Variants in TSPOAP1 observed in about 807,000 individuals in gnomAD.
The protein encoded by TSPOAP1 is TSPO associated protein 1.
Under a neutral mutation model 197.0 loss-of-function variants are expected in TSPOAP1, and 87 were observed. The ratio of observed to expected loss-of-function variants is 0.44; its 90% CI spans 0.37 to 0.53. The LOEUF (loss-of-function observed/expected upper bound fraction) is 0.53, where lower values mean the gene tolerates loss of function less well. TSPOAP1 is among the 20% of genes least tolerant of loss of function. TSPOAP1 has a pLI of 0.00. For missense variants in TSPOAP1, 2,174 were observed against 2,411.3 expected (o/e 0.90, Z 2.06); for synonymous variants, 913 against 998.9 (o/e 0.91, Z 1.62).
At position 58,328,677 on chromosome 17, in the gene TSPOAP1, T is replaced by A. The variant is rs2143181800; in HGVS notation, c.-757A>T. 1 of 153,134 alleles carries A rather than the reference T, an allele frequency of 6.5e-6. No homozygotes were observed. Among genetic ancestry groups the A allele is most frequent in the Admixed American group, 6.5e-5 (1 of 15,318 alleles). 9.5% of individuals were successfully genotyped at this position (153,134 alleles called of 1,614,324 possible). A position where few individuals can be genotyped will look rare whatever the true frequency, so the allele number is the denominator to read the frequency against. The stretch of plus-strand genomic sequence containing the variant: ...CTGGTCCTAAGGAGGCCTGGGTCGA[T>A]GGGCTGCTTGCCTCATAGTCTCAGC... On this transcript the variant is annotated 5_prime_UTR_variant, in exon 1 of 32. Transcript: ENST00000343736. The surrounding 1 kb of genome is among the most constrained non-coding windows in gnomAD (Gnocchi z 4.3).
chr17:58,321,593 C>T (rs988555377), intron 10 of TSPOAP1, among the ~76,000 whole-genome samples: 5 of 152,156 alleles, frequency 3.3e-5, no homozygotes, highest in African/African-American at 4.8e-5. Flanking sequence ...CCACCATGCC[C>T]GGCCAGAACC....
At chr17:58,313,806 A>G (rs1971139510) in intron 16 of TSPOAP1, among the ~76,000 whole-genome samples, 1 of 152,192 alleles carries the variant, frequency 6.6e-6, no homozygotes, top group Admixed American at 6.5e-5. Context: ...TGTAAGTTCT[A>G]GAAGGATCAG....
At position 58,308,028 on chromosome 17, in the gene TSPOAP1, A is replaced by C; in HGVS notation, c.4732-87T>G. 3 of 1,278,870 alleles carry C rather than the reference A, an allele frequency of 2.3e-6. No homozygotes were observed. The South Asian group carries it at 4.2e-5, about 18-fold the overall frequency. The allele number at this position is 1,278,870 out of a possible 1,614,324, so 79.2% of individuals were successfully genotyped here. A position where few individuals can be genotyped will look rare whatever the true frequency, so the allele number is the denominator to read the frequency against. On this transcript the variant is annotated intron_variant, in intron 22 of 31. Coordinates refer to ENST00000343736, the MANE Select transcript of TSPOAP1 (RefSeq NM_004758.4). ...CCCCCAGCTCTGCCCCATCAGCGTA[A>C]GCAGCACAGCAGCGCAGGAGCACAG...
chr17:58,311,296 A>T (rs1971071339), intron 18 of TSPOAP1, 83 bp from the exon 19 acceptor site: 1 of 1,545,252 alleles, frequency 6.5e-7, no homozygotes, highest in South Asian at 1.2e-5. Context: ...GTGGCAGCTA[A>T]CTGACAGCAG....
Position 58,322,229 on chromosome 17 carries a change from C to T in TSPOAP1, c.1422+79G>A. 2 of 1,422,020 alleles carry T rather than the reference C, an allele frequency of 1.4e-6. No individual in the cohort carries two copies. The highest frequency in any genetic ancestry group is 1.9e-6 in the Non-Finnish European group (2 of 1,028,012). 88.1% of individuals were successfully genotyped at this position (1,422,020 alleles called of 1,614,324 possible). A position where few individuals can be genotyped will look rare whatever the true frequency, so the allele number is the denominator to read the frequency against. ...CCGACGCCTAGCACAGTGCCGGGCA[C>T]ACAGTAAATGCTTGTGGAATGAGTG... On this transcript the variant is annotated intron_variant, in intron 10 of 31. Transcript: ENST00000343736. This position sits in a 1 kb window ranked among gnomAD's most constrained non-coding sequence, Gnocchi z 5.0.
In TSPOAP1 at chr17:58,304,233, C is replaced by T. The variant is rs1970799749; in HGVS notation, c.*32+105G>A. 1.0e-6 allele frequency: 1 copy of T among 970,134 alleles called. No individual in the cohort carries two copies. The highest frequency in any genetic ancestry group is 1.6e-6 in the Non-Finnish European group (1 of 626,722). The allele number at this position is 970,134 out of a possible 1,614,324, so 60.1% of individuals were successfully genotyped here. ...CTCTCCTTCGCCATTCCCTGGACTA[C>T]AGTGGGAAAGCTGGGTCAGCTCCAG... On this transcript the variant is annotated intron_variant, in intron 31 of 31. Coordinates refer to ENST00000343736, the MANE Select transcript of TSPOAP1 (RefSeq NM_004758.4). This position sits in a 1 kb window ranked among gnomAD's most constrained non-coding sequence, Gnocchi z 4.2.
intron 1 of TSPOAP1, among the ~76,000 whole-genome samples, chr17:58,327,346 C>T (rs551235160): frequency 3.9e-4 from 59 of 152,294 alleles, no homozygotes; most frequent in African/African-American, 1.4e-3. Flanking sequence ...AGCAGCAGGG[C>T]CAGATCTAGA....
intron 16 of TSPOAP1, among the ~76,000 whole-genome samples, chr17:58,313,562 C>T (rs779003950): frequency 6.6e-6 from 1 of 150,870 alleles, no homozygotes; most frequent in Non-Finnish European, 1.5e-5. Flanking sequence ...AAGTCATAAT[C>T]GCGCCACTGC....
rs1336094594 is a variant in TSPOAP1, at chr17:58,304,252, G to A, written c.*32+86C>T. On this transcript the variant is annotated intron_variant, in intron 31 of 31. Transcript: ENST00000343736. This position sits in a 1 kb window ranked among gnomAD's most constrained non-coding sequence, Gnocchi z 4.2. Reference sequence around the variant, plus strand: ...GGACTACAGTGGGAAAGCTGGGTCAGCTCCAGTATTTGAGACAAAGGAGCA... The same window carrying A: ...GGACTACAGTGGGAAAGCTGGGTCAACTCCAGTATTTGAGACAAAGGAGCA... 4 of 1,205,584 alleles carry A rather than the reference G, an allele frequency of 3.3e-6. No homozygotes were observed. The African/African-American group carries it at 4.5e-5, about 14-fold the overall frequency. 74.7% of individuals were successfully genotyped at this position (1,205,584 alleles called of 1,614,324 possible).
chr17:58,307,931 G>A lies in TSPOAP1; in HGVS notation c.4742C>T (p.Thr1581Ile). The change falls in exon 23 of 32, where the codon ACC (threonine) becomes ATC (isoleucine). Residue 1581 changes from threonine to isoleucine, a missense_variant. Transcript: ENST00000343736. The part of the protein sequence containing the change: ...AKEPLSRATE[T>I]GEARGQDGSG... ...GCCGTCCTGCCCTCTGGCCTCTCCG[G>A]TCTCTGTTGCCTGCAAAAAGAGGGC... 2 of 1,611,968 alleles carry A rather than the reference G, an allele frequency of 1.2e-6. No individual in the cohort carries two copies. Among genetic ancestry groups the A allele is most frequent in the Non-Finnish European group, 1.7e-6 (2 of 1,179,390 alleles).
At position 58,305,545 on chromosome 17, in the gene TSPOAP1, C is replaced by T. The variant is rs913555448; in HGVS notation, c.5356G>A (p.Val1786Met). The change falls in exon 28 of 32, where the codon GTG becomes ATG. Residue 1786 changes from valine (V) to methionine (M), a missense_variant. By Grantham distance (21) the Val-to-Met change is conservative (BLOSUM62 1). Coordinates refer to ENST00000343736, the MANE Select transcript of TSPOAP1 (RefSeq NM_004758.4). ...NPQESSPNMD[V>M]EAELPFRAGD... ...CTCTATCTGAGGGTCCTCACCTCCA[C>T]GTCCATATTGGGGGAACTCTCCTGG... 7 of 1,605,300 alleles carry T rather than the reference C, an allele frequency of 4.4e-6. No homozygotes were observed. Among genetic ancestry groups the T allele is most frequent in the Non-Finnish European group, 4.3e-6 (5 of 1,175,908 alleles).
chr17:58,308,777 T>G lies in TSPOAP1; in HGVS notation c.4495A>C (p.Ile1499Leu), dbSNP rs543144273. 6.2e-7 allele frequency: 1 copy of G among 1,613,038 alleles called. No homozygotes were observed. The highest frequency in any genetic ancestry group is 1.7e-5 in the Admixed American group (1 of 60,024). Residue 1499 changes from isoleucine (I) to leucine (L), a missense_variant, in exon 22 of 32, where the codon ATT becomes CTT. Around this residue, in one of 5 missense-constraint regions of TSPOAP1, gnomAD observed 1,933 missense variants for 2,139.0 expected, o/e 0.90. Transcript: ENST00000343736. ...TGCTCATCCTCCGAATCATATTCAATGCTGATTTCCAAGCACTTGGGGGAA... is the reference window on the plus strand; with the variant it reads ...TGCTCATCCTCCGAATCATATTCAAGGCTGATTTCCAAGCACTTGGGGGAA... ...CLSPKCLEISIEYDSEDEQEA... is the reference protein window; with the variant it reads ...CLSPKCLEISLEYDSEDEQEA...
rs1350862001 is a variant in TSPOAP1 at position 58,316,033 on chromosome 17, G to T, written c.2088C>A (p.Gly696=). ...CCACTACATTCCTACCTTCAAAAAA[G>T]CCATCCTCATCCATGTTGCCATAGA... is the stretch of plus-strand genomic sequence containing the variant. ...IYIYGNMDED[G]FFEGELMDGR... is the part of the protein sequence containing the mutation. The change falls in exon 16 of 32, where the codon GGC becomes GGA. Residue 696 remains glycine, a synonymous_variant. Coordinates refer to ENST00000343736, the MANE Select transcript of TSPOAP1 (RefSeq NM_004758.4). The T allele has an allele frequency of 6.2e-7, 1 of 1,613,462 alleles. No homozygotes were observed. The highest frequency in any genetic ancestry group is 8.5e-7 in the Non-Finnish European group (1 of 1,179,512).
At chr17:58,307,468 G>T in intron 24 of TSPOAP1, 143 bp downstream of exon 24, 1 of 1,109,918 alleles carries the variant, frequency 9.0e-7, no homozygotes, top group Non-Finnish European at 1.3e-6. Flanking sequence ...AGAAGCAGCA[G>T]AGTCAGGTCC....
At chr17:58,303,254 G>T (rs1970771823) in intron 31 of TSPOAP1, 1 of 152,474 alleles carries the variant, frequency 6.6e-6, no homozygotes, top group African/African-American at 2.4e-5. Flanking sequence ...CTTCACCTCT[G>T]GTACCTGCAC....
Position 58,304,950 on chromosome 17 carries a change from T to C in TSPOAP1, c.5544+111A>G, listed in dbSNP as rs747384094. 2.8e-5 allele frequency: 23 copies of C among 824,308 alleles called. No homozygotes were observed. The South Asian group carries it at 3.0e-4, about 11-fold the overall frequency. 51.1% of individuals were successfully genotyped at this position (824,308 alleles called of 1,614,324 possible). A position where few individuals can be genotyped will look rare whatever the true frequency, so the allele number is the denominator to read the frequency against. On this transcript the variant is annotated intron_variant, in intron 30 of 31. Transcript: ENST00000343736. This position sits in a 1 kb window ranked among gnomAD's most constrained non-coding sequence, Gnocchi z 4.2. ...GCGGCTGCACGCTGGACACAGTGCTTACCTGCATGACCACCCCAGCTGCAC... is the reference window on the plus strand; with the variant it reads ...GCGGCTGCACGCTGGACACAGTGCTCACCTGCATGACCACCCCAGCTGCAC...
chr17:58,315,198 GCTC>G (rs1971189762), intron 16 of TSPOAP1, among the ~76,000 whole-genome samples: 1 of 152,186 alleles, frequency 6.6e-6, no homozygotes, highest in Admixed American at 6.5e-5. Flanking sequence ...GGTCTCAGCA[GCTC>G]CTCAAGTAAC....
Position 58,327,864 on chromosome 17 carries a change from C to G in TSPOAP1, c.57G>C (p.Trp19Cys), listed in dbSNP as rs373348471. 1.3e-5 allele frequency: 21 copies of G among 1,611,214 alleles called. No individual in the cohort carries two copies. The African/African-American group carries it at 2.8e-4, about 22-fold the overall frequency. Residue 19 changes from tryptophan to cysteine, a missense_variant, in exon 1 of 32, where the codon TGG becomes TGC. This residue lies in a region of TSPOAP1 where 1,933 missense variants were observed against 2,139.0 expected (regional missense o/e 0.90). Coordinates refer to ENST00000343736, the MANE Select transcript of TSPOAP1 (RefSeq NM_004758.4). ...RPGDPGAMEP[W>C]ALPTWHSWTP... ...TCCAGCTATGCCAGGTGGGCAGTGCCCATGGCTCCATGGCTCCAGGGTCCC... is the reference window on the plus strand; with the variant it reads ...TCCAGCTATGCCAGGTGGGCAGTGCGCATGGCTCCATGGCTCCAGGGTCCC...
Position 58,325,123 on chromosome 17 carries a change from C to T in TSPOAP1, c.751-121G>A, listed in dbSNP as rs558115626. ...CTCCGATGCGCGAGACTGTGCACAC[C>T]CTCCCATGGGTACATGCCTGGTTAC... On this transcript the variant is annotated intron_variant, in intron 4 of 31. Coordinates refer to ENST00000343736, the MANE Select transcript of TSPOAP1 (RefSeq NM_004758.4). 1.8e-4 allele frequency: 154 copies of T among 876,120 alleles called. No homozygotes were observed. The African/African-American group carries it at 2.4e-3, about 14-fold the overall frequency. 54.3% of individuals were successfully genotyped at this position (876,120 alleles called of 1,614,324 possible).
Sources: allele counts gnomAD v4.1 joint callset (sites outside exome capture counted in the v4.1 genomes callset), GRCh38; gene constraint gnomAD v4.1.1; regional missense constraint gnomAD v4.1.1; non-coding constraint Gnocchi (gnomAD v3.1); transcripts MANE v1.5; gene names NCBI Gene and HGNC (gene_info 2026-07-23, HGNC 2026-07-21).